NCOA7: variants seen among roughly 807,000 people sequenced by gnomAD.
NCOA7 encodes 140 kDa estrogen receptor-associated protein.
In NCOA7, 45 loss-of-function variants were observed where a neutral mutation model predicts 104.3. That is an observed-to-expected ratio of 0.43 (90% confidence interval 0.34 to 0.55). The LOEUF (loss-of-function observed/expected upper bound fraction) is 0.55. Ranked by LOEUF, NCOA7 falls within the 20% of genes least tolerant of loss-of-function variation. NCOA7 has a pLI of 0.02. For synonymous variants in NCOA7, 398 were observed against 402.3 expected, an observed-to-expected ratio of 0.99 and a Z score of 0.13; for missense variants, 1,041 against 1,119.7, an observed-to-expected ratio of 0.93 and a Z score of 1.00.
rs375945441 is a variant in NCOA7 at position 125,850,492 on chromosome 6, A to G, written c.51-4528A>G. Among the ~76,000 whole-genome samples, 10 of 152,344 alleles carry G rather than the reference A, an allele frequency of 6.6e-5. No homozygotes were observed. In the East Asian group the frequency reaches 1.5e-3, roughly 23 times the overall value. ...AGGGAGAAAAAGAATAAAACAATGT[A>G]TCCCATTTTGTTATTTCCATGAGTG... On this transcript the variant is annotated intron_variant, in intron 2 of 15. Coordinates refer to ENST00000392477, the MANE Select transcript of NCOA7 (RefSeq NM_181782.5).
chr6:125,893,431 GT>G (rs1487562518), intron 10 of NCOA7, among the ~76,000 whole-genome samples: 3 of 152,074 alleles, frequency 2.0e-5, no homozygotes, highest in Non-Finnish European at 4.4e-5. Flanking sequence ...TCTCTCTATT[GT>G]TCCTAATACT....
chr6:125,882,591 A>AACAAAGTTTAGTTTCCT, intron 7 of NCOA7, 40 bp downstream of exon 7: 1 of 1,595,714 alleles, frequency 6.3e-7, no homozygotes, highest in South Asian at 1.1e-5. Flanking sequence ...CTTGAAATCT[A>AACAAAGTTTAGTTTCCT]TGAAAAACTA....
intron 3 of NCOA7, among the ~76,000 whole-genome samples, chr6:125,856,592 T>C (rs984016803): frequency 2.0e-5 from 3 of 152,116 alleles, no homozygotes; most frequent in African/African-American, 7.2e-5. Flanking sequence ...GACCTCGTGA[T>C]CTAAGAGATG....
intron 3 of NCOA7, among the ~76,000 whole-genome samples, chr6:125,862,760 T>G (rs1051869022): frequency 7.2e-6 from 1 of 138,514 alleles, no homozygotes; most frequent in African/African-American, 3.0e-5. Flanking sequence ...TCACAGCACT[T>G]TGGGGGGCCA....
chr6:125,834,704 T>G (rs1331141480), intron 2 of NCOA7, among the ~76,000 whole-genome samples: 1 of 152,064 alleles, frequency 6.6e-6, no homozygotes, highest in East Asian at 1.9e-4. Context: ...GCAGGTAGAG[T>G]TGATTTGAGC....
At chr6:125,874,292 T>G (rs1783182400) in intron 3 of NCOA7, among the ~76,000 whole-genome samples, 1 of 152,188 alleles carries the variant, frequency 6.6e-6, no homozygotes, top group African/African-American at 2.4e-5. Flanking sequence ...GCCGCTGCAC[T>G]CCAGCCTGGG....
intron 2 of NCOA7, among the ~76,000 whole-genome samples, chr6:125,825,518 T>C (rs1391556617): frequency 1.3e-5 from 2 of 152,368 alleles, no homozygotes; most frequent in African/African-American, 2.4e-5. Context: ...CTGTGGTGCA[T>C]GTACTTCACG....
intron 1 of NCOA7, among the ~76,000 whole-genome samples, chr6:125,806,034 C>T (rs1278951050): frequency 6.6e-6 from 1 of 152,154 alleles, no homozygotes; most frequent in African/African-American, 2.4e-5. Context: ...TTAACCAGGC[C>T]TGTCTTACTT....
At chr6:125,891,567 A>G (rs1229499499) in intron 10 of NCOA7, among the ~76,000 whole-genome samples, 1 of 152,202 alleles carries the variant, frequency 6.6e-6, no homozygotes, top group Non-Finnish European at 1.5e-5. Flanking sequence ...GCCCCTTAAA[A>G]ACATCATCAT....
At chr6:125,867,948 A>G (rs1225444021) in intron 3 of NCOA7, among the ~76,000 whole-genome samples, 1 of 152,222 alleles carries the variant, frequency 6.6e-6, no homozygotes, top group Non-Finnish European at 1.5e-5. Context: ...GCCCGCTTCT[A>G]TAGACCTGGA....
At chr6:125,913,444 A>C (rs556274857) in intron 10 of NCOA7, among the ~76,000 whole-genome samples, 2 of 152,328 alleles carry the variant, frequency 1.3e-5, no homozygotes, top group Non-Finnish European at 2.9e-5. Context: ...CACATCTTAA[A>C]ATACCTTAAT....
rs147168734 is a variant in NCOA7, at chr6:125,908,677, G to C, written c.2097-6656G>C. 1.4e-3 allele frequency among the ~76,000 whole-genome samples: 208 copies of C among 152,270 alleles called. 1 individual carries two copies. The highest frequency in any genetic ancestry group is 4.5e-3 in the African/African-American group (187 of 41,526). ...TCCCGATGGGTTGTAGGAATGATGA[G>C]TGGTCTTCATCAAACAGGGTGTACT... On this transcript the variant is annotated intron_variant, in intron 10 of 15. Coordinates refer to ENST00000392477, the MANE Select transcript of NCOA7 (RefSeq NM_181782.5).
chr6:125,915,656 C>T (rs539933917), intron 11 of NCOA7, among the ~76,000 whole-genome samples, 176 bp downstream of exon 11: 8 of 152,202 alleles, frequency 5.3e-5, no homozygotes, highest in South Asian at 4.2e-4. Context: ...CCAGCACCAC[C>T]GCTATGTACA....
At chr6:125,884,286 T>G (rs894150126) in intron 7 of NCOA7, among the ~76,000 whole-genome samples, 15 of 152,234 alleles carry the variant, frequency 9.9e-5, no homozygotes, top group Admixed American at 9.8e-4. Flanking sequence ...GCTTGGCTAT[T>G]GTGAATAATG....
intron 11 of NCOA7, among the ~76,000 whole-genome samples, 197 bp downstream of exon 11, chr6:125,915,677 G>A (rs1191402433): frequency 6.6e-6 from 1 of 152,024 alleles, no homozygotes; most frequent in African/African-American, 2.4e-5. Context: ...CAGGCACACA[G>A]TTCATTCTGA....
chr6:125,927,136 G>T (rs534050716), intron 13 of NCOA7, among the ~76,000 whole-genome samples: 1 of 152,166 alleles, frequency 6.6e-6, no homozygotes, highest in East Asian at 1.9e-4. Context: ...CATTTTTAAG[G>T]ATATAATTTT....
intron 13 of NCOA7, among the ~76,000 whole-genome samples, 200 bp from the exon 14 acceptor site, chr6:125,927,463 T>A (rs1788133331): frequency 6.6e-6 from 1 of 152,238 alleles, no homozygotes. Flanking sequence ...CACCAGGAAG[T>A]CTGGCTACTT....
chr6:125,922,853 A>G lies in NCOA7; in HGVS notation c.2523+19A>G. The G allele has an allele frequency of 1.9e-6, 3 of 1,606,980 alleles. No individual in the cohort carries two copies. Among genetic ancestry groups the G allele is most frequent in the Non-Finnish European group, 2.6e-6 (3 of 1,176,102 alleles). On this transcript the variant is annotated intron_variant, in intron 13 of 15. Coordinates refer to ENST00000392477, the MANE Select transcript of NCOA7 (RefSeq NM_181782.5). ...TAATCAGGTGAGGCCTGTCCCTCTCATAAAGAATATTTTTTAATAATTTTT... is the reference window on the plus strand; with the variant it reads ...TAATCAGGTGAGGCCTGTCCCTCTCGTAAAGAATATTTTTTAATAATTTTT...
chr6:125,842,166 C>CA (rs1165316125), intron 2 of NCOA7, among the ~76,000 whole-genome samples: 1 of 152,178 alleles, frequency 6.6e-6, no homozygotes, highest in East Asian at 1.9e-4. Context: ...ACGAGGCTTT[C>CA]AGTAGAGTAT....
Sources: allele counts gnomAD v4.1 joint callset (sites outside exome capture counted in the v4.1 genomes callset), GRCh38; gene constraint gnomAD v4.1.1; transcripts MANE v1.5; gene names NCBI Gene and HGNC (gene_info 2026-07-23, HGNC 2026-07-21).